OPTN: variants seen among roughly 807,000 people sequenced by gnomAD.
OPTN encodes optineurin.
OPTN carries 54 observed loss-of-function variants against 70.4 expected under a neutral mutation model. That is an observed-to-expected ratio of 0.77 (90% CI 0.62 to 0.96). The LOEUF is 0.96. Ranked by LOEUF, OPTN falls within the 40% of genes least tolerant of loss-of-function variation. OPTN has a pLI of 0.00. For missense variants in OPTN, 624 were observed against 673.2 expected, an observed-to-expected ratio of 0.93 and a Z score of 0.81; for synonymous variants, 256 against 248.5, an observed-to-expected ratio of 1.03 and a Z score of -0.28.
rs1417200678 is a variant in OPTN, at chr10:13,110,566, AC to A, written c.369+92del. On this transcript the variant is annotated intron_variant, in intron 4 of 14. Coordinates refer to ENST00000378747, the MANE Select transcript of OPTN (RefSeq NM_001008212.2). ...TACGTGTCTAGACTCCTAGATCAAA[AC>A]CTTTCATGGTTCAGTCTGGATTGGT... 4 of 1,274,780 alleles carry A rather than the reference AC, an allele frequency of 3.1e-6. No homozygotes were observed. The Admixed American group carries it at 7.7e-5, about 25-fold the overall frequency. 79.0% of individuals were successfully genotyped at this position (1,274,780 alleles called of 1,614,324 possible). A position where few individuals can be genotyped will look rare whatever the true frequency, so the allele number is the denominator to read the frequency against.
chr10:13,115,128 A>C (rs1450647554), intron 5 of OPTN, among the ~76,000 whole-genome samples: 3 of 92,682 alleles, frequency 3.2e-5, no homozygotes, highest in Non-Finnish European at 5.7e-5. Flanking sequence ...TATATATATA[A>C]ATTTATAATA....
rs1238889908 is a variant in OPTN at position 13,118,914 on chromosome 10, C to G, written c.653C>G (p.Ser218Cys). 6.2e-7 allele frequency: 1 copy of G among 1,614,134 alleles called. No individual in the cohort carries two copies. The highest frequency in any genetic ancestry group is 8.5e-7 in the Non-Finnish European group (1 of 1,179,972). Residue 218 changes from serine (S) to cysteine (C), a missense_variant, in exon 7 of 15, where the codon TCT becomes TGT. Transcript: ENST00000378747. ...GCATTGTCTAAATATAGGAGCAGATCTGCAGATGGGGCCAAGAATTACTTC... is the reference window on the plus strand; with the variant it reads ...GCATTGTCTAAATATAGGAGCAGATGTGCAGATGGGGCCAAGAATTACTTC... Reference protein sequence around the residue: ...GTALSKYRSRSADGAKNYFEH... With the variant: ...GTALSKYRSRCADGAKNYFEH...
intron 8 of OPTN, chr10:13,122,877 A>G (rs974883689): frequency 3.5e-5 from 10 of 285,632 alleles, no homozygotes; most frequent in Admixed American, 1.8e-4. Flanking sequence ...GGGTTTCACC[A>G]TGTTGGCCAG....
chr10:13,100,887 G>T (rs2037067983), intron 1 of OPTN, among the ~76,000 whole-genome samples: 1 of 152,200 alleles, frequency 6.6e-6, no homozygotes, highest in Non-Finnish European at 1.5e-5. Context: ...ATGAAACCCA[G>T]GTTCCGACCT....
chr10:13,136,505 CA>C (rs71386161), intron 14 of OPTN, among the ~76,000 whole-genome samples: 1,141 of 72,782 alleles, frequency 0.016, 4 homozygotes, highest in African/African-American at 0.057. Flanking sequence ...GACTCCGTCT[CA>C]AAAAAAAAAA....
At chr10:13,128,044 T>G in intron 12 of OPTN, 141 bp downstream of exon 12, 1 of 971,522 alleles carries the variant, frequency 1.0e-6, no homozygotes. Flanking sequence ...ACTTTAAAAT[T>G]GAAACATTTG....
Position 13,127,778 on chromosome 10 carries a change from C to A in OPTN, c.1276C>A (p.Leu426Met), listed in dbSNP as rs1564366291. Residue 426 changes from leucine (L) to methionine (M), a missense_variant, in exon 12 of 15, where the codon CTG (leucine) becomes ATG (methionine). Physicochemically the swap from Leu to Met is conservative, Grantham distance 15. Transcript: ENST00000378747. The stretch of plus-strand genomic sequence containing the variant: ...AGTGGACAGGGCAGTGCTGAAGGAA[C>A]TGAGTGAAAAACTGGAACTGGCAGA... The part of the protein sequence containing the change: ...EKVDRAVLKE[L>M]SEKLELAEKA... 1 of 1,614,114 alleles carries A rather than the reference C, an allele frequency of 6.2e-7. No homozygotes were observed. The highest frequency in any genetic ancestry group is 2.2e-5 in the East Asian group (1 of 44,884).
At chr10:13,124,164 T>A (rs1415859792) in intron 9 of OPTN, 54 bp downstream of exon 9, 1 of 957,318 alleles carries the variant, frequency 1.0e-6, no homozygotes, top group East Asian at 2.6e-5. Flanking sequence ...TTTTACAAAG[T>A]ATACTACTAT....
intron 8 of OPTN, among the ~76,000 whole-genome samples, chr10:13,123,593 A>C (rs1227450616): frequency 6.6e-6 from 1 of 152,222 alleles, no homozygotes; most frequent in Non-Finnish European, 1.5e-5. Flanking sequence ...GCTGCACAAC[A>C]AAAATAGTTG....
chr10:13,117,537 C>G (rs1833247392), intron 6 of OPTN, among the ~76,000 whole-genome samples: 1 of 150,582 alleles, frequency 6.6e-6, no homozygotes, highest in Non-Finnish European at 1.5e-5. Context: ...CGTCTGCCTC[C>G]CGGGTACAAG....
At chr10:13,122,627 T>C (rs896132195) in intron 8 of OPTN, 140 bp downstream of exon 8, 75 of 719,660 alleles carry the variant, frequency 1.0e-4, no homozygotes, top group Non-Finnish European at 1.3e-4. Context: ...TATCTATTCC[T>C]TTTATATGTC....
Position 13,109,333 on chromosome 10 carries a change from C to T in OPTN, c.166+45C>T, listed in dbSNP as rs372773271. The T allele has an allele frequency of 4.3e-5, 69 of 1,596,176 alleles. No homozygotes were observed. In the Middle Eastern group the frequency reaches 1.2e-3, roughly 27 times the overall value. On this transcript the variant is annotated intron_variant, in intron 3 of 14. Coordinates refer to ENST00000378747, the MANE Select transcript of OPTN (RefSeq NM_001008212.2). ...GTGTGCCCCATTCATCCTGGGCCTG[C>T]AAGAAATGCCATCCCTTTGCACTAA...
At chr10:13,121,284 G>T (rs2131509739) in intron 7 of OPTN, among the ~76,000 whole-genome samples, 1 of 152,132 alleles carries the variant, frequency 6.6e-6, no homozygotes, top group South Asian at 2.1e-4. Flanking sequence ...AAAGACTGTT[G>T]GCTCTTCTGG....
chr10:13,111,878 T>C (rs2895549), intron 4 of OPTN, among the ~76,000 whole-genome samples: 41 of 141,460 alleles, frequency 2.9e-4, no homozygotes, highest in South Asian at 7.3e-4. Context: ...GATGGAGTCT[T>C]GCTCTGTTGC....
intron 7 of OPTN, 102 bp downstream of exon 7, chr10:13,119,142 G>C (rs1029055194): frequency 1.8e-6 from 2 of 1,130,878 alleles, no homozygotes; most frequent in African/African-American, 3.1e-5. Flanking sequence ...ATACATTTCA[G>C]TGTTTTTTAG....
chr10:13,105,230 C>T (rs1349923047), intron 1 of OPTN, among the ~76,000 whole-genome samples: 2 of 152,194 alleles, frequency 1.3e-5, no homozygotes, highest in Non-Finnish European at 2.9e-5. Context: ...CACAATATCA[C>T]AGAATTTGCT....
intron 14 of OPTN, among the ~76,000 whole-genome samples, chr10:13,135,713 C>A (rs1001003971): frequency 6.6e-6 from 1 of 152,012 alleles, no homozygotes; most frequent in Non-Finnish European, 1.5e-5. Flanking sequence ...GGAAGGTACA[C>A]TCTGTTCTAG....
chr10:13,132,247 G>GAAGAGGTGCCTGTCCA, intron 13 of OPTN, 50 bp downstream of exon 13: 2 of 1,603,060 alleles, frequency 1.2e-6, no homozygotes, highest in Non-Finnish European at 1.7e-6. Flanking sequence ...CATGGCCGTA[G>GAAGAGGTGCCTGTCCA]AAGAGGTGCC....
intron 5 of OPTN, among the ~76,000 whole-genome samples, chr10:13,115,448 T>TAG (rs1293976566): frequency 9.4e-6 from 1 of 106,422 alleles, no homozygotes; most frequent in East Asian, 2.6e-4. Context: ...ATATATAATA[T>TAG]ATTCTATATT....
Sources: allele counts gnomAD v4.1 joint callset (sites outside exome capture counted in the v4.1 genomes callset), GRCh38; gene constraint gnomAD v4.1.1; transcripts MANE v1.5; gene names NCBI Gene and HGNC (gene_info 2026-07-23, HGNC 2026-07-21).